Variants in RBM19 observed in about 807,000 individuals in gnomAD.
The protein encoded by RBM19 is RNA binding motif protein 19, also known as probable RNA-binding protein 19.
Under a neutral mutation model 116.8 loss-of-function variants are expected in RBM19, and 94 were observed. That is an observed-to-expected ratio of 0.80 (90% CI 0.68 to 0.95). The LOEUF (loss-of-function observed/expected upper bound fraction) is 0.95, where lower values mean the gene tolerates loss of function less well. Among genes scored for constraint, RBM19 ranks in the 40% least tolerant of loss-of-function variants. The probability of loss-of-function intolerance (pLI) is 0.00; values close to 1 mark genes in which losing one functional copy is unlikely to be tolerated. For missense variants in RBM19, 1,161 were observed against 1,220.7 expected, an observed-to-expected ratio of 0.95 and a Z score of 0.73; for synonymous variants, 475 against 494.1, an observed-to-expected ratio of 0.96 and a Z score of 0.51.
chr12:113,856,011 C>A (rs7294332), intron 22 of RBM19, among the ~76,000 whole-genome samples: 3 of 152,186 alleles, frequency 2.0e-5, no homozygotes, highest in Non-Finnish European at 4.4e-5. Context: ...TTGTGATGGG[C>A]TCCTCCTTCC....
chr12:113,926,649 C>T (rs572156934), intron 17 of RBM19, among the ~76,000 whole-genome samples: 1 of 152,300 alleles, frequency 6.6e-6, no homozygotes, highest in African/African-American at 2.4e-5. Context: ...TCACCCCATC[C>T]AGGGATTCCA....
chr12:113,930,417 A>G (rs1260969884), intron 16 of RBM19, among the ~76,000 whole-genome samples: 1 of 152,230 alleles, frequency 6.6e-6, no homozygotes, highest in Non-Finnish European at 1.5e-5. Context: ...CACCTGCCCA[A>G]GGGGGTGTGA....
chr12:113,876,338 C>G (rs1386277984), intron 21 of RBM19, among the ~76,000 whole-genome samples: 1 of 152,158 alleles, frequency 6.6e-6, no homozygotes, highest in Non-Finnish European at 1.5e-5. Flanking sequence ...CCAGCTGCCT[C>G]CAGTGCTTAT....
chr12:113,915,070 C>T lies in RBM19; in HGVS notation c.2457G>A (p.Leu819=). 1 of 1,614,162 alleles carries T rather than the reference C, an allele frequency of 6.2e-7. No individual in the cohort carries two copies. The highest frequency in any genetic ancestry group is 2.2e-5 in the East Asian group (1 of 44,872). ...TTCTGGGAACTTGTTTCTTCCGAGC[C>T]AATGTCACGGCTGGCCTGGAGTGGT... ...SERATKPAVT[L]ARKKQVPRKQ... The change falls in exon 21 of 24, where the codon TTG becomes TTA. Residue 819 remains leucine, a synonymous_variant. Coordinates refer to ENST00000261741, the MANE Select transcript of RBM19 (RefSeq NM_016196.4).
rs577281789 is a variant in RBM19, at chr12:113,957,283, A to G, written c.840+499T>C. Reference sequence around the variant, plus strand: ...GACCTCTCCAGGTTAGCAACAGAAAATAAATGCAGAGGCTGGGTGCAGTGG... The same window carrying G: ...GACCTCTCCAGGTTAGCAACAGAAAGTAAATGCAGAGGCTGGGTGCAGTGG... On this transcript the variant is annotated intron_variant, in intron 6 of 23. Transcript: ENST00000261741. 2.6e-5 allele frequency among the ~76,000 whole-genome samples: 4 copies of G among 152,342 alleles called. No homozygotes were observed. The East Asian group carries it at 7.7e-4, about 29-fold the overall frequency.
chr12:113,951,020 C>T (rs1216916662), intron 8 of RBM19, among the ~76,000 whole-genome samples: 1 of 152,156 alleles, frequency 6.6e-6, no homozygotes, highest in Non-Finnish European at 1.5e-5. Context: ...ACTGCCCTCC[C>T]CTGCTCTAAG....
At chr12:113,887,387 C>T (rs752816025) in intron 21 of RBM19, among the ~76,000 whole-genome samples, 1 of 152,008 alleles carries the variant, frequency 6.6e-6, no homozygotes, top group Non-Finnish European at 1.5e-5. Flanking sequence ...CTGTAAATCC[C>T]AGCACTTTGG....
In RBM19 at chr12:113,965,982, AC is replaced by A. The variant is rs1233729617; in HGVS notation, c.36+209del. Among the ~76,000 whole-genome samples the A allele has an allele frequency of 2.6e-5, 4 of 152,258 alleles. No homozygotes were observed. The East Asian group carries it at 7.7e-4, about 29-fold the overall frequency. On this transcript the variant is annotated intron_variant, in intron 1 of 23. Coordinates refer to ENST00000261741, the MANE Select transcript of RBM19 (RefSeq NM_016196.4). ...TGTGTTAGGAGTCAGGTACCAAACA[AC>A]CGGCCGTGAAACCGTAAGCAGTCAC...
At chr12:113,901,655 C>A (rs1275078790) in intron 21 of RBM19, among the ~76,000 whole-genome samples, 1 of 152,096 alleles carries the variant, frequency 6.6e-6, no homozygotes, top group Non-Finnish European at 1.5e-5. Context: ...ACGACAGGCG[C>A]CTGCCACCAC....
chr12:113,941,551 A>AT (rs1870567607), intron 14 of RBM19, among the ~76,000 whole-genome samples: 4 of 150,946 alleles, frequency 2.6e-5, no homozygotes, highest in African/African-American at 9.9e-5. Context: ...CCATCTATCT[A>AT]CCCATCCATC....
intron 22 of RBM19, among the ~76,000 whole-genome samples, chr12:113,846,466 A>G (rs1876981918): frequency 6.6e-6 from 1 of 152,204 alleles, no homozygotes; most frequent in Non-Finnish European, 1.5e-5. Context: ...ACGAGGTCAT[A>G]CTGGAGAACA....
intron 5 of RBM19, among the ~76,000 whole-genome samples, 191 bp from the exon 6 acceptor site, chr12:113,958,241 TTTG>T (rs1481119529): frequency 2.0e-5 from 3 of 152,164 alleles, no homozygotes; most frequent in African/African-American, 7.2e-5. Context: ...CTACTGCAGC[TTTG>T]ATATTCTCTG....
chr12:113,918,549 T>G (rs1188454784), intron 19 of RBM19, 102 bp from the exon 20 acceptor site: 65 of 1,278,806 alleles, frequency 5.1e-5, no homozygotes, highest in Non-Finnish European at 5.2e-5. Context: ...GATGGGAGCC[T>G]GATTGTTCCC....
At chr12:113,902,401 C>A (rs75339207) in intron 21 of RBM19, among the ~76,000 whole-genome samples, 10,100 of 152,030 alleles carry the variant, frequency 0.066, 649 homozygotes, top group East Asian at 0.34. Context: ...CAGTTCAAGA[C>A]CAGCCTGGGC....
chr12:113,940,382 A>G (rs2135906573), intron 14 of RBM19, among the ~76,000 whole-genome samples: 1 of 147,938 alleles, frequency 6.8e-6, no homozygotes, highest in East Asian at 2.0e-4. Context: ...GGGACTCTGA[A>G]GCTGGAGCTT....
At chr12:113,855,335 T>C (rs1446363574) in intron 22 of RBM19, among the ~76,000 whole-genome samples, 3 of 152,194 alleles carry the variant, frequency 2.0e-5, no homozygotes, top group Admixed American at 1.3e-4. Context: ...CCAGAAACCA[T>C]TCATTTCTCC....
At chr12:113,869,440 C>T (rs1339296906) in intron 21 of RBM19, among the ~76,000 whole-genome samples, 21 of 152,192 alleles carry the variant, frequency 1.4e-4, no homozygotes, top group African/African-American at 5.1e-4. Flanking sequence ...CGATTTCTGG[C>T]CTGGGGTACT....
rs1871546925 is a variant in RBM19, at chr12:113,952,433, T to A, written c.1000+79A>T. ...GAAGAAAAACGGGTGCCCTTAAAACTTCTTCCTTATTCAAGTACCCCAACC... is the reference window on the plus strand; with the variant it reads ...GAAGAAAAACGGGTGCCCTTAAAACATCTTCCTTATTCAAGTACCCCAACC... On this transcript the variant is annotated intron_variant, in intron 8 of 23. Coordinates refer to ENST00000261741, the MANE Select transcript of RBM19 (RefSeq NM_016196.4). 3 of 1,350,868 alleles carry A rather than the reference T, an allele frequency of 2.2e-6. No homozygotes were observed. In the Admixed American group the frequency reaches 5.4e-5, roughly 24 times the overall value. The allele number at this position is 1,350,868 out of a possible 1,614,324, so 83.7% of individuals were successfully genotyped here. A position where few individuals can be genotyped will look rare whatever the true frequency, so the allele number is the denominator to read the frequency against.
chr12:113,856,190 G>C (rs1877887496), intron 22 of RBM19, among the ~76,000 whole-genome samples: 1 of 152,208 alleles, frequency 6.6e-6, no homozygotes. Context: ...CCAGAGCCCG[G>C]AGTAAAGGCA....
Sources: gnomAD v4.1 joint callset for allele counts (sites outside exome capture counted in the v4.1 genomes callset) on GRCh38, gnomAD v4.1.1 for gene constraint, MANE v1.5 for transcripts, NCBI Gene and HGNC (gene_info 2026-07-23, HGNC 2026-07-21) for gene names.